Variants in DENND1A observed in about 807,000 individuals in gnomAD.
DENND1A encodes the protein DENN domain-containing protein 1A.
DENND1A carries 51 observed loss-of-function variants against 113.7 expected under a neutral mutation model. The observed-to-expected ratio is 0.45, with a 90% confidence interval of 0.36 to 0.57. The LOEUF (loss-of-function observed/expected upper bound fraction) is 0.57, where lower values mean the gene tolerates loss of function less well. Ranked by LOEUF, DENND1A falls within the 20% of genes least tolerant of loss-of-function variation. The pLI is 0.00. For missense variants in DENND1A, 1,258 were observed against 1,395.9 expected (o/e 0.90, Z 1.57); for synonymous variants, 565 against 570.8 (o/e 0.99, Z 0.14).
intron 1 of DENND1A, among the ~76,000 whole-genome samples, chr9:123,928,235 G>T (rs532359696): frequency 6.6e-6 from 1 of 152,324 alleles, no homozygotes; most frequent in South Asian, 2.1e-4. Flanking sequence ...TTGATGGCTA[G>T]CCATCTGAAC....
chr9:123,671,725 G>A (rs2063773579), intron 6 of DENND1A, among the ~76,000 whole-genome samples: 1 of 152,080 alleles, frequency 6.6e-6, no homozygotes, highest in African/African-American at 2.4e-5. Context: ...GGGTGGTTAG[G>A]AGAAATAACG....
chr9:123,457,358 G>A lies in DENND1A; in HGVS notation c.1176C>T (p.Gly392=), dbSNP rs747557895. The A allele has an allele frequency of 5.2e-5, 84 of 1,613,388 alleles. No homozygotes were observed. The highest frequency in any genetic ancestry group is 3.2e-4 in the Admixed American group (19 of 59,984). The stretch of plus-strand genomic sequence containing the variant: ...TGAGTTGCTTCTCACCAGCGTACTC[G>A]CCCATGTTGATTTCCTCTTCAAAAA... ...SDVFEEEINM[G]EYAGSDKLYH... Residue 392 remains glycine (G), a synonymous_variant, in exon 15 of 24, where the codon GGC becomes GGT. Coordinates refer to ENST00000394215, the MANE Select transcript of DENND1A (RefSeq NM_001352964.2).
At chr9:123,431,614 G>A (rs1437512358) in intron 19 of DENND1A, among the ~76,000 whole-genome samples, 2 of 152,178 alleles carry the variant, frequency 1.3e-5, no homozygotes, top group South Asian at 2.1e-4. Context: ...CATTCTCTGT[G>A]AGCCTGTCTC....
intron 2 of DENND1A, among the ~76,000 whole-genome samples, chr9:123,851,102 T>C (rs779458513): frequency 1.2e-4 from 19 of 152,166 alleles, no homozygotes; most frequent in South Asian, 2.1e-4. Flanking sequence ...TTGACATATG[T>C]GTACATCCAT....
At chr9:123,553,807 G>C (rs1177808320) in intron 13 of DENND1A, among the ~76,000 whole-genome samples, 1 of 152,100 alleles carries the variant, frequency 6.6e-6, no homozygotes, top group Non-Finnish European at 1.5e-5. Context: ...CACCAGGCTG[G>C]AGTACAGTGG....
rs917193715 is a variant in DENND1A at position 123,470,227 on chromosome 9, G to A, written c.994-12330C>T. Among the ~76,000 whole-genome samples the A allele has an allele frequency of 2.0e-5, 3 of 152,214 alleles. No homozygotes were observed. In the East Asian group the frequency reaches 5.8e-4, roughly 29 times the overall value. On this transcript the variant is annotated intron_variant, in intron 13 of 23. Coordinates refer to ENST00000394215, the MANE Select transcript of DENND1A (RefSeq NM_001352964.2). ...AGTCCACAGTGCAGCGGTGGCGCAA[G>A]GTGAGAGCTGACATGAGTGAGACGG...
chr9:123,797,327 C>G (rs1833933145), intron 2 of DENND1A, among the ~76,000 whole-genome samples: 1 of 152,112 alleles, frequency 6.6e-6, no homozygotes, highest in Non-Finnish European at 1.5e-5. Context: ...GAATATGCTG[C>G]AAACAGGATA....
chr9:123,606,996 T>C (rs1343972802), intron 11 of DENND1A, among the ~76,000 whole-genome samples: 4 of 152,170 alleles, frequency 2.6e-5, no homozygotes, highest in Non-Finnish European at 5.9e-5. Flanking sequence ...GAGCACAAGC[T>C]AACATGGGTC....
intron 11 of DENND1A, among the ~76,000 whole-genome samples, chr9:123,599,606 G>C (rs1796594867): frequency 6.6e-6 from 1 of 152,158 alleles, no homozygotes; most frequent in Non-Finnish European, 1.5e-5. Flanking sequence ...ACCCACAGAA[G>C]CTCAGCGACT....
intron 2 of DENND1A, among the ~76,000 whole-genome samples, chr9:123,838,038 CT>C (rs1476895107): frequency 1.3e-5 from 2 of 152,194 alleles, no homozygotes; most frequent in Non-Finnish European, 1.5e-5. Context: ...AGAATTTACG[CT>C]TTTAACCAAC....
chr9:123,403,344 G>C (rs528384104), intron 21 of DENND1A, 58 bp downstream of exon 21: 9 of 1,583,550 alleles, frequency 5.7e-6, no homozygotes, highest in South Asian at 1.1e-5. Flanking sequence ...GCTTCGCAAA[G>C]TGCTGGCTCC....
chr9:123,441,981 A>G (rs2046964358), intron 18 of DENND1A, among the ~76,000 whole-genome samples: 1 of 152,220 alleles, frequency 6.6e-6, no homozygotes, highest in South Asian at 2.1e-4. Flanking sequence ...ACATATATAC[A>G]TCTCTAAGAC....
chr9:123,725,537 A>C (rs1422730788), intron 5 of DENND1A, among the ~76,000 whole-genome samples: 2 of 152,264 alleles, frequency 1.3e-5, no homozygotes, highest in African/African-American at 4.8e-5. Flanking sequence ...GATTGCAACT[A>C]AACCAGTAGG....
intron 13 of DENND1A, among the ~76,000 whole-genome samples, chr9:123,510,552 T>C (rs575680463): frequency 6.6e-5 from 10 of 152,140 alleles, no homozygotes; most frequent in Non-Finnish European, 1.5e-4. Flanking sequence ...GTGAGGAAGT[T>C]TGGAGGAGGA....
chr9:123,704,844 G>C (rs2066091256), intron 5 of DENND1A, among the ~76,000 whole-genome samples: 1 of 152,132 alleles, frequency 6.6e-6, no homozygotes, highest in Non-Finnish European at 1.5e-5. Context: ...TGGCATTAGT[G>C]AGCCGGAAGA....
rs567816919 is a variant in DENND1A, at chr9:123,912,751, G to A, written c.17+17138C>T. Among the ~76,000 whole-genome samples, 30 of 152,244 alleles carry A rather than the reference G, an allele frequency of 2.0e-4. No homozygotes were observed. In the South Asian group the frequency reaches 4.6e-3, roughly 23 times the overall value. ...GACTTCCACCGCCTCTGGCAGTAAC[G>A]AGGTTCCCCTTTCCCACGTCCACTT... On this transcript the variant is annotated intron_variant, in intron 1 of 23. Coordinates refer to ENST00000394215, the MANE Select transcript of DENND1A (RefSeq NM_001352964.2).
intron 13 of DENND1A, among the ~76,000 whole-genome samples, chr9:123,470,622 C>G (rs1389772013): frequency 6.6e-6 from 1 of 152,156 alleles, no homozygotes; most frequent in Non-Finnish European, 1.5e-5. Context: ...GAATATGAGA[C>G]TCATGGATCT....
At chr9:123,681,649 G>A (rs1171716197) in intron 5 of DENND1A, among the ~76,000 whole-genome samples, 13 of 152,168 alleles carry the variant, frequency 8.5e-5, no homozygotes, top group Non-Finnish European at 1.5e-5. Context: ...GGAACTGAAT[G>A]TAACTGTGGG....
chr9:123,579,382 TAGG>T (rs1276274551), intron 12 of DENND1A, among the ~76,000 whole-genome samples: 1 of 152,192 alleles, frequency 6.6e-6, no homozygotes, highest in Non-Finnish European at 1.5e-5. Context: ...TGGGAAGTTA[TAGG>T]AGAATTTTTT....
Sources: allele counts gnomAD v4.1 joint callset (sites outside exome capture counted in the v4.1 genomes callset), GRCh38; gene constraint gnomAD v4.1.1; transcripts MANE v1.5; gene names NCBI Gene and HGNC (gene_info 2026-07-23, HGNC 2026-07-21).